ATL1: variants seen among roughly 807,000 people sequenced by gnomAD.
The protein encoded by ATL1 is atlastin GTPase 1, also known as atlastin-1.
A neutral mutation model predicts 75.5 loss-of-function variants in ATL1; 31 were observed. The observed-to-expected ratio is 0.41, with a 90% CI of 0.31 to 0.55. The LOEUF is 0.55. Among genes scored for constraint, ATL1 ranks in the 20% least tolerant of loss-of-function variants. The pLI is 0.27. For missense variants in ATL1, 405 were observed against 662.6 expected, an observed-to-expected ratio of 0.61 and a Z score of 4.27; for synonymous variants, 226 against 233.3, an observed-to-expected ratio of 0.97 and a Z score of 0.28.
At chr14:50,573,284 T>A (rs1206124283) in intron 1 of ATL1, among the ~76,000 whole-genome samples, 2 of 152,206 alleles carry the variant, frequency 1.3e-5, no homozygotes, top group East Asian at 1.9e-4. Flanking sequence ...CATACTTAAT[T>A]TTGTTATAGT....
intron 1 of ATL1, among the ~76,000 whole-genome samples, chr14:50,548,318 A>G (rs1053833158): frequency 3.9e-5 from 6 of 152,142 alleles, no homozygotes; most frequent in Non-Finnish European, 8.8e-5. Flanking sequence ...AGAGTAAAAA[A>G]TGGGATTGGG....
At chr14:50,577,218 A>G (rs2039014256) in intron 1 of ATL1, among the ~76,000 whole-genome samples, 2 of 152,214 alleles carry the variant, frequency 1.3e-5, no homozygotes, top group African/African-American at 4.8e-5. Flanking sequence ...GTGTGCCACC[A>G]TGCCCAGCTA....
At position 50,550,841 on chromosome 14, in the gene ATL1, T is replaced by G. The variant is rs1387797760; in HGVS notation, c.-139-9286T>G. Reference sequence around the variant, plus strand: ...AATCAAGATGGAAATTTAAAAATTCTTTGAACTGAATGATAGTGACACAAC... The same window carrying G: ...AATCAAGATGGAAATTTAAAAATTCGTTGAACTGAATGATAGTGACACAAC... On this transcript the variant is annotated intron_variant, in intron 1 of 13. Transcript: ENST00000441560. 2.0e-5 allele frequency among the ~76,000 whole-genome samples: 3 copies of G among 152,300 alleles called. No individual in the cohort carries two copies. In the East Asian group the frequency reaches 5.8e-4, roughly 29 times the overall value.
At chr14:50,606,225 T>C (rs1412535504) in intron 6 of ATL1, among the ~76,000 whole-genome samples, 1 of 152,006 alleles carries the variant, frequency 6.6e-6, no homozygotes, top group African/African-American at 2.4e-5. Context: ...TGTCTCAATA[T>C]TTAAAGAGCT....
chr14:50,560,820 C>G (rs530276003), intron 1 of ATL1, among the ~76,000 whole-genome samples: 81 of 152,300 alleles, frequency 5.3e-4, no homozygotes, highest in African/African-American at 1.9e-3. Flanking sequence ...TGAGGCGGAG[C>G]GCGCCGGGTC....
chr14:50,607,141 T>C (rs2039323067), intron 6 of ATL1, among the ~76,000 whole-genome samples: 1 of 151,962 alleles, frequency 6.6e-6, no homozygotes, highest in African/African-American at 2.4e-5. Flanking sequence ...AAATGGAATT[T>C]GGGAACAAGG....
In ATL1 at chr14:50,560,204, G is replaced by A. The variant is rs2140172899; in HGVS notation, c.-62G>A. ...GAGCCTCCCACCGCCAGCAACCTGC[G>A]GCCCCGGAGAAGGCAGCGAGCGCAG... On this transcript the variant is annotated 5_prime_UTR_variant, in exon 1 of 14. Transcript: ENST00000358385. 1.2e-6 allele frequency: 2 copies of A among 1,602,554 alleles called. No individual in the cohort carries two copies. The highest frequency in any genetic ancestry group is 4.5e-5 in the East Asian group (2 of 44,264).
chr14:50,545,454 C>T (rs1425852705), intron 1 of ATL1, among the ~76,000 whole-genome samples: 3 of 152,166 alleles, frequency 2.0e-5, no homozygotes. Context: ...TGGTCGACGG[C>T]ATCCATGTGG....
intron 5 of ATL1, among the ~76,000 whole-genome samples, chr14:50,595,289 T>C (rs1006658210): frequency 6.6e-6 from 1 of 152,152 alleles, no homozygotes; most frequent in African/African-American, 2.4e-5. Context: ...AAAGTGTTCA[T>C]TTTAAAATAT....
At chr14:50,558,662 T>C (rs2038795455), upstream of ATL1, among the ~76,000 whole-genome samples, 1 of 152,228 alleles carries the variant, frequency 6.6e-6, no homozygotes, top group Non-Finnish European at 1.5e-5. Context: ...TTTTTGTGTG[T>C]AATCTATTGT....
intron 2 of ATL1, 105 bp from the exon 3 acceptor site, chr14:50,590,836 T>C (rs2039148952): frequency 1.6e-6 from 2 of 1,226,066 alleles, no homozygotes; most frequent in East Asian, 4.7e-5. Flanking sequence ...GCATATGTTG[T>C]TTCCTTTTAA....
chr14:50,535,001 A>C (rs999900508), intron 1 of ATL1, among the ~76,000 whole-genome samples: 2 of 152,208 alleles, frequency 1.3e-5, no homozygotes, highest in African/African-American at 4.8e-5. Flanking sequence ...TTTCTTACAA[A>C]CCACCCAGTT....
chr14:50,574,033 C>T (rs777694111), intron 1 of ATL1, among the ~76,000 whole-genome samples: 1 of 152,090 alleles, frequency 6.6e-6, no homozygotes, highest in African/African-American at 2.4e-5. Flanking sequence ...GACTGATAAC[C>T]GTAAAATGAG....
intron 1 of ATL1, among the ~76,000 whole-genome samples, chr14:50,539,954 T>G (rs1394965730): frequency 6.6e-6 from 1 of 152,116 alleles, no homozygotes; most frequent in Non-Finnish European, 1.5e-5. Flanking sequence ...TTCTGCTTAG[T>G]CAAACTCTAT....
At chr14:50,596,284 C>T (rs2039216155) in intron 6 of ATL1, among the ~76,000 whole-genome samples, 1 of 151,408 alleles carries the variant, frequency 6.6e-6, no homozygotes, top group Non-Finnish European at 1.5e-5. Context: ...GCCTGGGCAA[C>T]ATAGTGAGAG....
Position 50,613,432 on chromosome 14 carries a change from C to T in ATL1, c.723+81C>T, listed in dbSNP as rs117369128. On this transcript the variant is annotated intron_variant, in intron 7 of 13. Transcript: ENST00000358385. ...TTGGATCATTTGGTGAATAGATACT[C>T]AGTAGCCACTAGCCGCAATCTCATT... The T allele has an allele frequency of 1.5e-3, 1,502 of 1,019,226 alleles. 3 individuals carry two copies. The highest frequency in any genetic ancestry group is 2.0e-3 in the Non-Finnish European group (1,283 of 651,058). The allele number at this position is 1,019,226 out of a possible 1,614,324, so 63.1% of individuals were successfully genotyped here.
chr14:50,569,253 C>T (rs560201810), intron 1 of ATL1, among the ~76,000 whole-genome samples: 36 of 151,846 alleles, frequency 2.4e-4, no homozygotes, highest in South Asian at 1.9e-3. Flanking sequence ...CCAGCTACTC[C>T]GGAGGCTGAA....
chr14:50,551,954 G>T (rs539312350), intron 1 of ATL1, among the ~76,000 whole-genome samples: 1 of 152,054 alleles, frequency 6.6e-6, no homozygotes, highest in Non-Finnish European at 1.5e-5. Flanking sequence ...ACTAGAACAA[G>T]ACAAGAATAC....
intron 1 of ATL1, among the ~76,000 whole-genome samples, chr14:50,535,996 G>A (rs61982171): frequency 0.01 from 1,561 of 152,318 alleles, 14 homozygotes; most frequent in Non-Finnish European, 0.013. Flanking sequence ...TTTGCCTGCT[G>A]CCATCGTGTG....
Sources: allele counts gnomAD v4.1 joint callset (sites outside exome capture counted in the v4.1 genomes callset), GRCh38; gene constraint gnomAD v4.1.1; transcripts MANE v1.5; gene names NCBI Gene and HGNC (gene_info 2026-07-23, HGNC 2026-07-21).